The following ATXN7 variants were observed in gnomAD, a reference collection of about 807,000 sequenced individuals.
ATXN7 encodes ataxin-7.
A neutral mutation model predicts 70.5 loss-of-function variants in ATXN7; 12 were observed. The observed-to-expected ratio is 0.17, with a 90% CI of 0.11 to 0.28. The LOEUF (loss-of-function observed/expected upper bound fraction) is 0.28. Among genes scored for constraint, ATXN7 ranks in the 10% least tolerant of loss-of-function variants. The pLI, the probability that ATXN7 is intolerant of heterozygous loss-of-function variation, is 1.00. For missense variants in ATXN7, 1,256 were observed against 1,131.7 expected (o/e 1.11, Z -1.58); for synonymous variants, 498 against 448.7 (o/e 1.11, Z -1.39).
At chr3:63,894,784 A>C (rs1293356124) in intron 1 of ATXN7, among the ~76,000 whole-genome samples, 1 of 152,142 alleles carries the variant, frequency 6.6e-6, no homozygotes, top group Non-Finnish European at 1.5e-5. Context: ...TTGGCCTCCC[A>C]AAGTGCTAGG....
intron 11 of ATXN7, among the ~76,000 whole-genome samples, chr3:63,993,258 A>G (rs2075701038): frequency 6.6e-6 from 1 of 150,416 alleles, no homozygotes; most frequent in African/African-American, 2.5e-5. Context: ...ATGGTTTTCA[A>G]AGATTTTTGT....
chr3:63,892,374 C>CCACA (rs56293497), intron 1 of ATXN7, among the ~76,000 whole-genome samples: 5,825 of 133,372 alleles, frequency 0.044, 147 homozygotes, highest in Non-Finnish European at 0.056. Context: ...GACACCTCTA[C>CCACA]CACACACACA....
intron 4 of ATXN7, among the ~76,000 whole-genome samples, chr3:63,932,069 A>AG (rs1244693865): frequency 4.6e-5 from 7 of 152,342 alleles, no homozygotes; most frequent in African/African-American, 1.7e-4. Flanking sequence ...TCATGACTCA[A>AG]TAGTGTTTAG....
intron 1 of ATXN7, among the ~76,000 whole-genome samples, chr3:63,887,207 G>C (rs1483691908): frequency 6.6e-6 from 1 of 152,194 alleles, no homozygotes; most frequent in Admixed American, 6.5e-5. Flanking sequence ...TTGTGATGTA[G>C]TGCCAGAATG....
intron 4 of ATXN7, among the ~76,000 whole-genome samples, chr3:63,931,378 A>G (rs1269155472): frequency 6.6e-6 from 1 of 152,164 alleles, no homozygotes; most frequent in Non-Finnish European, 1.5e-5. Flanking sequence ...TAACTCTGAT[A>G]AAGGTTTTGT....
At chr3:63,903,490 G>A (rs1703725304) in intron 2 of ATXN7, among the ~76,000 whole-genome samples, 1 of 151,428 alleles carries the variant, frequency 6.6e-6, no homozygotes, top group Admixed American at 6.6e-5. Flanking sequence ...CTTTCGTTTG[G>A]ACCATTACAT....
intron 5 of ATXN7, among the ~76,000 whole-genome samples, chr3:63,956,390 G>A (rs1292768959): frequency 1.5e-5 from 2 of 137,690 alleles, no homozygotes; most frequent in Non-Finnish European, 1.5e-5. Flanking sequence ...CACTGCACTG[G>A]AGCCTGGGTG....
chr3:63,976,661 C>T (rs1252195878), intron 5 of ATXN7, among the ~76,000 whole-genome samples: 1 of 152,078 alleles, frequency 6.6e-6, no homozygotes, highest in African/African-American at 2.4e-5. Flanking sequence ...GGAGGATGGA[C>T]AGTGATGGGA....
At chr3:63,925,270 G>A (rs1704670535) in intron 4 of ATXN7, among the ~76,000 whole-genome samples, 2 of 152,194 alleles carry the variant, frequency 1.3e-5, no homozygotes, top group South Asian at 4.2e-4. Context: ...ATACAGCCAA[G>A]TAACAACAGA....
At chr3:63,899,085 C>CA (rs1465517928) in intron 2 of ATXN7, among the ~76,000 whole-genome samples, 1 of 149,430 alleles carries the variant, frequency 6.7e-6, no homozygotes, top group African/African-American at 2.5e-5. Context: ...TTTTTTGAGA[C>CA]AGAGTCTCAC....
chr3:63,945,157 A>T (rs550979686), intron 4 of ATXN7, among the ~76,000 whole-genome samples: 13 of 152,358 alleles, frequency 8.5e-5, no homozygotes, highest in African/African-American at 2.6e-4. Flanking sequence ...AGCGCTCTCC[A>T]TGGATCATTC....
chr3:63,899,599 C>G (rs1703554405), intron 2 of ATXN7, among the ~76,000 whole-genome samples: 1 of 152,018 alleles, frequency 6.6e-6, no homozygotes, highest in Non-Finnish European at 1.5e-5. Flanking sequence ...TAGCTACACC[C>G]CCAACTCTAG....
intron 5 of ATXN7, chr3:63,968,588 A>G (rs1265794163): frequency 5.3e-5 from 8 of 152,256 alleles, no homozygotes; most frequent in Non-Finnish European, 8.8e-5. Context: ...GAGGAAGAAC[A>G]ACTTCAAAAT....
At chr3:63,983,683 C>A (rs1342477729) in intron 8 of ATXN7, among the ~76,000 whole-genome samples, 3 of 152,014 alleles carry the variant, frequency 2.0e-5, no homozygotes, top group Admixed American at 1.3e-4. Context: ...TAATGGTCTT[C>A]CTTTTTGCTC....
intron 4 of ATXN7, among the ~76,000 whole-genome samples, chr3:63,941,661 T>G (rs561060817): frequency 5.7e-4 from 87 of 152,210 alleles, no homozygotes; most frequent in Admixed American, 3.4e-3. Context: ...TATTGACTGC[T>G]TTGGTTTACG....
chr3:63,985,832 G>GC (rs1453522506), intron 8 of ATXN7, among the ~76,000 whole-genome samples: 6 of 152,174 alleles, frequency 3.9e-5, no homozygotes, highest in Non-Finnish European at 2.9e-5. Flanking sequence ...GTGAGCACAG[G>GC]CCTCACTCTT....
chr3:64,001,420 T>C lies in ATXN7; in HGVS notation c.*1953T>C, dbSNP rs1375296266. ...AGAGAGGTGAGAGGGAATCAGAACG[T>C]ACCTAGTTGATTCCTTGGTGACAAG... On this transcript the variant is annotated 3_prime_UTR_variant, in exon 13 of 13. Transcript: ENST00000674280. 1 of 152,190 alleles carries C rather than the reference T, an allele frequency of 6.6e-6. No individual in the cohort carries two copies. The highest frequency in any genetic ancestry group is 1.5e-5 in the Non-Finnish European group (1 of 68,032). 9.4% of individuals were successfully genotyped at this position (152,190 alleles called of 1,614,324 possible).
At chr3:63,920,610 A>G (rs1176202641) in intron 4 of ATXN7, among the ~76,000 whole-genome samples, 1 of 152,176 alleles carries the variant, frequency 6.6e-6, no homozygotes, top group Non-Finnish European at 1.5e-5. Context: ...TAAAAATATC[A>G]GAGCCTTTTC....
chr3:63,884,179 C>A (rs1703000483), intron 1 of ATXN7, among the ~76,000 whole-genome samples: 2 of 150,376 alleles, frequency 1.3e-5, no homozygotes, highest in African/African-American at 2.5e-5. Flanking sequence ...TCTTCTAGCT[C>A]CAGAAAGTAA....
Sources: allele counts gnomAD v4.1 joint callset (sites outside exome capture counted in the v4.1 genomes callset), GRCh38; gene constraint gnomAD v4.1.1; transcripts MANE v1.5; gene names NCBI Gene and HGNC (gene_info 2026-07-23, HGNC 2026-07-21).